Variants in PCCA observed in about 807,000 individuals in gnomAD.
PCCA encodes propionyl-CoA carboxylase alpha chain, mitochondrial.
A neutral mutation model predicts 101.3 loss-of-function variants in PCCA; 74 were observed. The ratio of observed to expected loss-of-function variants is 0.73; its 90% CI spans 0.61 to 0.89. PCCA has a LOEUF of 0.89. Ranked by LOEUF, PCCA falls within the 40% of genes least tolerant of loss-of-function variation. The probability of loss-of-function intolerance (pLI) is 0.00; values close to 1 mark genes in which losing one functional copy is unlikely to be tolerated. For missense variants in PCCA, 891 were observed against 907.0 expected (o/e 0.98, Z 0.23); for synonymous variants, 294 against 313.6 (o/e 0.94, Z 0.66).
At chr13:100,312,148 C>A (rs1413651872) in intron 16 of PCCA, among the ~76,000 whole-genome samples, 1 of 152,184 alleles carries the variant, frequency 6.6e-6, no homozygotes, top group Non-Finnish European at 1.5e-5. Context: ...GCAAGTGATA[C>A]TATCCCTGAT....
At chr13:100,304,319 A>AC (rs1248949659) in intron 14 of PCCA, among the ~76,000 whole-genome samples, 2 of 152,236 alleles carry the variant, frequency 1.3e-5, no homozygotes, top group Non-Finnish European at 2.9e-5. Context: ...AGCTAAATGG[A>AC]CCAAGGAGTA....
At chr13:100,158,733 C>T (rs889660271) in intron 6 of PCCA, among the ~76,000 whole-genome samples, 2 of 152,178 alleles carry the variant, frequency 1.3e-5, no homozygotes, top group South Asian at 2.1e-4. Flanking sequence ...AGGACAAATG[C>T]AGCCTGCTGC....
chr13:100,410,297 C>T (rs947303212), intron 19 of PCCA, among the ~76,000 whole-genome samples: 2 of 152,142 alleles, frequency 1.3e-5, no homozygotes, highest in Non-Finnish European at 2.9e-5. Flanking sequence ...GGCTGGAGTG[C>T]ATTGGCATGA....
chr13:100,132,262 G>C (rs556328608), intron 4 of PCCA, among the ~76,000 whole-genome samples: 1 of 7,016 alleles, frequency 1.4e-4, no homozygotes, highest in South Asian at 8.2e-3. Context: ...TCAGAATGCA[G>C]AGTAGTTCCA....
intron 6 of PCCA, among the ~76,000 whole-genome samples, chr13:100,172,774 T>C (rs547934298): frequency 2.0e-5 from 3 of 152,194 alleles, no homozygotes; most frequent in Non-Finnish European, 4.4e-5. Flanking sequence ...CCCCTCTGCA[T>C]GTACTAACTC....
At chr13:100,100,885 C>T (rs971478020) in intron 1 of PCCA, among the ~76,000 whole-genome samples, 1 of 151,806 alleles carries the variant, frequency 6.6e-6, no homozygotes, top group Non-Finnish European at 1.5e-5. Context: ...CTCACTGCAA[C>T]CTCCGCCTCC....
chr13:100,298,816 A>G (rs891738998), intron 12 of PCCA, among the ~76,000 whole-genome samples: 5 of 149,762 alleles, frequency 3.3e-5, no homozygotes, highest in African/African-American at 1.2e-4. Context: ...TAACTTGCAG[A>G]GAGAAACCAT....
chr13:100,392,603 A>T (rs114157465), intron 19 of PCCA, among the ~76,000 whole-genome samples: 4,463 of 152,244 alleles, frequency 0.029, 197 homozygotes, highest in African/African-American at 0.099. Context: ...CAGAAATTTA[A>T]TCTCTTCTAT....
intron 21 of PCCA, among the ~76,000 whole-genome samples, chr13:100,470,669 AAAAT>A (rs2082935439): frequency 6.6e-6 from 1 of 152,066 alleles, no homozygotes; most frequent in Non-Finnish European, 1.5e-5. Context: ...ATAAAAATAA[AAAAT>A]AAAATTAAAT....
At chr13:100,438,176 G>C (rs774310422) in intron 20 of PCCA, among the ~76,000 whole-genome samples, 14 of 149,436 alleles carry the variant, frequency 9.4e-5, no homozygotes, top group Non-Finnish European at 1.9e-4. Flanking sequence ...TTTTTTTAAT[G>C]ATAGGGTCTT....
intron 6 of PCCA, among the ~76,000 whole-genome samples, chr13:100,182,098 C>CTTTTTTTTTTTTTTT (rs558498604): frequency 9.5e-6 from 1 of 105,454 alleles, no homozygotes; most frequent in Non-Finnish European, 1.9e-5. Context: ...TTTTCTTTTT[C>CTTTTTTTTTTTTTTT]TTTTTTTTTT....
intron 12 of PCCA, among the ~76,000 whole-genome samples, chr13:100,274,033 C>T (rs1172195144): frequency 6.6e-6 from 1 of 152,104 alleles, no homozygotes; most frequent in Non-Finnish European, 1.5e-5. Context: ...TAAACATCAA[C>T]TGGGCCTAGA....
intron 21 of PCCA, among the ~76,000 whole-genome samples, chr13:100,510,097 G>C (rs1200693524): frequency 6.6e-6 from 1 of 152,140 alleles, no homozygotes; most frequent in African/African-American, 2.4e-5. Context: ...CTTCTACAAG[G>C]AATTTGTGTT....
chr13:100,382,194 TTG>T (rs2152829956), intron 19 of PCCA, among the ~76,000 whole-genome samples: 1 of 152,280 alleles, frequency 6.6e-6, no homozygotes, highest in African/African-American at 2.4e-5. Flanking sequence ...AATGATTTTA[TTG>T]CCGATGAAAG....
At chr13:100,150,160 T>A (rs1285825635) in intron 4 of PCCA, among the ~76,000 whole-genome samples, 1 of 151,600 alleles carries the variant, frequency 6.6e-6, no homozygotes, top group Admixed American at 6.6e-5. Flanking sequence ...CCCGAGTAGC[T>A]GGGATTACAG....
intron 16 of PCCA, among the ~76,000 whole-genome samples, chr13:100,324,073 A>G (rs2068373229): frequency 6.6e-6 from 1 of 152,178 alleles, no homozygotes; most frequent in South Asian, 2.1e-4. Flanking sequence ...GAGTGGACTA[A>G]AGTAATAGGA....
At chr13:100,464,875 A>G (rs1253854177) in intron 21 of PCCA, among the ~76,000 whole-genome samples, 3 of 152,180 alleles carry the variant, frequency 2.0e-5, no homozygotes, top group Non-Finnish European at 4.4e-5. Context: ...GATATAGGAC[A>G]TTTTATGACA....
chr13:100,171,907 C>T (rs918482058), intron 6 of PCCA, among the ~76,000 whole-genome samples: 2 of 151,924 alleles, frequency 1.3e-5, no homozygotes, highest in African/African-American at 4.8e-5. Flanking sequence ...TGGCAGGCAC[C>T]TGTAGTCCCA....
intron 18 of PCCA, among the ~76,000 whole-genome samples, chr13:100,348,765 TTTC>T (rs2072723203): frequency 1.1e-5 from 1 of 91,374 alleles, no homozygotes; most frequent in Admixed American, 1.2e-4. Flanking sequence ...TCTTTCTTTC[TTTC>T]TTTCTTTCTT....
Sources: gnomAD v4.1 joint callset for allele counts (sites outside exome capture counted in the v4.1 genomes callset) on GRCh38, gnomAD v4.1.1 for gene constraint, MANE v1.5 for transcripts, NCBI Gene and HGNC (gene_info 2026-07-23, HGNC 2026-07-21) for gene names.